The following GRM4 variants were observed in gnomAD, a reference collection of about 807,000 sequenced individuals.
GRM4 encodes glutamate metabotropic receptor 4.
In GRM4, 28 loss-of-function variants were observed where a neutral mutation model predicts 81.7. The ratio of observed to expected loss-of-function variants is 0.34; its 90% CI spans 0.25 to 0.47. The LOEUF (loss-of-function observed/expected upper bound fraction) is 0.47, where lower values mean the gene tolerates loss of function less well. GRM4 is among the 20% of genes least tolerant of loss of function. The probability of loss-of-function intolerance (pLI) is 1.00; values close to 1 mark genes in which losing one functional copy is unlikely to be tolerated. For missense variants in GRM4, 948 were observed against 1,290.0 expected (o/e 0.73, Z 4.06); for synonymous variants, 488 against 528.8 (o/e 0.92, Z 1.06).
chr6:34,058,849 T>G, intron 5 of GRM4, 125 bp downstream of exon 5: 1 of 743,248 alleles, frequency 1.3e-6, no homozygotes, highest in Non-Finnish European at 2.2e-6. Context: ...TAAGAGGCTG[T>G]GGGCCAAGGA....
chr6:34,057,504 C>T (rs1413157633), intron 5 of GRM4, among the ~76,000 whole-genome samples: 1 of 152,184 alleles, frequency 6.6e-6, no homozygotes, highest in African/African-American at 2.4e-5. Flanking sequence ...ACGCTCTGGG[C>T]GGGATAATTC....
chr6:34,093,760 A>C (rs1322946835), intron 2 of GRM4, among the ~76,000 whole-genome samples: 1 of 152,226 alleles, frequency 6.6e-6, no homozygotes, highest in Non-Finnish European at 1.5e-5. Context: ...AGCATGGCCC[A>C]GCTCGGCCAC....
At chr6:34,075,801 C>T (rs1174370527) in intron 3 of GRM4, among the ~76,000 whole-genome samples, 1 of 152,200 alleles carries the variant, frequency 6.6e-6, no homozygotes, top group Non-Finnish European at 1.5e-5. Flanking sequence ...TGTTGGTTTC[C>T]TCCATCAGCC....
At chr6:34,030,962 G>A (rs1764383481) in intron 9 of GRM4, among the ~76,000 whole-genome samples, 1 of 152,218 alleles carries the variant, frequency 6.6e-6, no homozygotes, top group East Asian at 1.9e-4. Context: ...CGCCAGTTCT[G>A]CTCCTTGCCC....
chr6:34,046,616 G>A (rs116534411), intron 6 of GRM4, among the ~76,000 whole-genome samples: 2,102 of 152,302 alleles, frequency 0.014, 28 homozygotes, highest in Middle Eastern at 0.044. Context: ...CTCCAGCTCC[G>A]CCAGTCCTAG....
Position 34,136,299 on chromosome 6 carries a change from C to T in GRM4, c.-363-2440G>A, listed in dbSNP as rs1398070290. Among the ~76,000 whole-genome samples the T allele has an allele frequency of 2.6e-5, 4 of 152,118 alleles. No individual in the cohort carries two copies. Among genetic ancestry groups the T allele is most frequent in the African/African-American group, 4.8e-5 (2 of 41,420 alleles). The stretch of plus-strand genomic sequence containing the variant: ...GCCCCTGGCTGCTCCTCTGTGCTGG[C>T]CCAGAGGATCTCTCAGGCCTTGCCA... On this transcript the variant is annotated intron_variant, in intron 1 of 10. Transcript: ENST00000538487. This position sits in a 1 kb window ranked among gnomAD's most constrained non-coding sequence, Gnocchi z 4.1.
chr6:34,074,601 C>T lies in GRM4; in HGVS notation c.737-12573G>A, dbSNP rs1012047537. 6.6e-6 allele frequency among the ~76,000 whole-genome samples: 1 copy of T among 151,848 alleles called. No homozygotes were observed. Among genetic ancestry groups the T allele is most frequent in the African/African-American group, 2.4e-5 (1 of 41,222 alleles). On this transcript the variant is annotated intron_variant, in intron 3 of 10. Transcript: ENST00000538487. The surrounding 1 kb of genome is among the most constrained non-coding windows in gnomAD (Gnocchi z 4.9). ...CAGAGCTGAGCCCTGCCGTCCCCTG[C>T]CAGGAGAGGAGGCCGCTGGGCAGCG... is the stretch of plus-strand genomic sequence containing the variant.
intron 1 of GRM4, among the ~76,000 whole-genome samples, chr6:34,138,487 C>T (rs939036584): frequency 2.0e-5 from 3 of 152,250 alleles, no homozygotes; most frequent in Non-Finnish European, 4.4e-5. Context: ...CCACATCTCC[C>T]AGAAGGGGGA....
chr6:34,108,595 G>A (rs892682335), intron 2 of GRM4, among the ~76,000 whole-genome samples: 2 of 152,192 alleles, frequency 1.3e-5, no homozygotes, highest in Non-Finnish European at 2.9e-5. Flanking sequence ...CCTCAGCCCA[G>A]AAATCCAGCC....
intron 10 of GRM4, among the ~76,000 whole-genome samples, chr6:34,025,701 T>C (rs941317137): frequency 6.6e-6 from 1 of 152,134 alleles, no homozygotes; most frequent in African/African-American, 2.4e-5. Flanking sequence ...GTCAGGACAC[T>C]TGGGGACCAG....
At chr6:34,127,828 C>T (rs1458689337) in intron 2 of GRM4, among the ~76,000 whole-genome samples, 3 of 152,306 alleles carry the variant, frequency 2.0e-5, no homozygotes, top group Admixed American at 2.0e-4. Flanking sequence ...TGGGTGGGCT[C>T]TCTCTAGAGT....
chr6:34,051,899 G>A (rs1765631330), intron 6 of GRM4, among the ~76,000 whole-genome samples: 1 of 152,192 alleles, frequency 6.6e-6, no homozygotes. Context: ...CCAGAGGTGA[G>A]GTAACCTGCC....
chr6:34,083,108 T>G (rs1362315021), intron 3 of GRM4, among the ~76,000 whole-genome samples: 2 of 152,242 alleles, frequency 1.3e-5, no homozygotes, highest in South Asian at 2.1e-4. Flanking sequence ...GCTCAGCATC[T>G]GACGTTTTCC....
intron 2 of GRM4, among the ~76,000 whole-genome samples, chr6:34,128,880 C>T (rs1770129581): frequency 6.6e-6 from 1 of 152,158 alleles, no homozygotes; most frequent in Admixed American, 6.5e-5. Context: ...TCTTCCACTG[C>T]AAAATGAATA....
At chr6:34,077,681 C>T (rs1330166649) in intron 3 of GRM4, among the ~76,000 whole-genome samples, 2 of 152,072 alleles carry the variant, frequency 1.3e-5, no homozygotes, top group African/African-American at 2.4e-5. Flanking sequence ...CTGCAGTTTC[C>T]AACATACATC....
chr6:34,119,616 G>A (rs1769723672), intron 2 of GRM4, among the ~76,000 whole-genome samples: 3 of 152,194 alleles, frequency 2.0e-5, no homozygotes, highest in Admixed American at 2.0e-4. Context: ...CCCTCTGTGG[G>A]GAGGAGTCTG....
In GRM4 at chr6:34,069,896, C is replaced by T. The variant is rs1766714662; in HGVS notation, c.737-7868G>A. Among the ~76,000 whole-genome samples the T allele has an allele frequency of 6.6e-6, 1 of 152,174 alleles. No individual in the cohort carries two copies. Among genetic ancestry groups the T allele is most frequent in the African/African-American group, 2.4e-5 (1 of 41,434 alleles). ...GCTCAGCCACCCTCTAGCTCCCCAC[C>T]CAGTTCTTCCCTGGCTGGACTGCAT... On this transcript the variant is annotated intron_variant, in intron 3 of 10. Transcript: ENST00000538487. This position sits in a 1 kb window ranked among gnomAD's most constrained non-coding sequence, Gnocchi z 6.4.
chr6:34,051,812 C>G (rs1032718809), intron 6 of GRM4, among the ~76,000 whole-genome samples: 26 of 152,158 alleles, frequency 1.7e-4, no homozygotes, highest in African/African-American at 5.6e-4. Flanking sequence ...AGGTAGCACT[C>G]TGCTGGGGAT....
chr6:34,125,184 A>C (rs1287249342), intron 2 of GRM4, among the ~76,000 whole-genome samples: 1 of 152,190 alleles, frequency 6.6e-6, no homozygotes, highest in Non-Finnish European at 1.5e-5. Flanking sequence ...CGTGTTCACC[A>C]GGATGGTCTC....
Sources: gnomAD v4.1 joint callset for allele counts (sites outside exome capture counted in the v4.1 genomes callset) on GRCh38, gnomAD v4.1.1 for gene constraint, Gnocchi (gnomAD v3.1) non-coding constraint, MANE v1.5 for transcripts, NCBI Gene and HGNC (gene_info 2026-07-23, HGNC 2026-07-21) for gene names.